ERI3: variants seen among roughly 807,000 people sequenced by gnomAD.
ERI3 encodes ERI1 exoribonuclease family member 3, also known as ERI1 exoribonuclease 3.
A neutral mutation model predicts 44.4 loss-of-function variants in ERI3; 18 were observed. The observed-to-expected ratio is 0.41, with a 90% confidence interval of 0.28 to 0.60. ERI3 has a LOEUF of 0.60. Ranked by LOEUF, ERI3 falls within the 20% of genes least tolerant of loss-of-function variation. The probability of loss-of-function intolerance (pLI) is 0.36; values close to 1 mark genes in which losing one functional copy is unlikely to be tolerated. For synonymous variants in ERI3, 183 were observed against 164.8 expected, an observed-to-expected ratio of 1.11 and a Z score of -0.84; for missense variants, 294 against 435.5, an observed-to-expected ratio of 0.68 and a Z score of 2.89.
intron 7 of ERI3, among the ~76,000 whole-genome samples, chr1:44,262,745 GC>G (rs1306556696): frequency 6.6e-6 from 1 of 152,228 alleles, no homozygotes; most frequent in African/African-American, 2.4e-5. Context: ...AAAGACCTAA[GC>G]GGACCTTCAG....
chr1:44,233,186 T>A (rs1473661910), intron 8 of ERI3, among the ~76,000 whole-genome samples: 1 of 152,138 alleles, frequency 6.6e-6, no homozygotes, highest in Non-Finnish European at 1.5e-5. Context: ...GTGTTCCTGA[T>A]CAGTGTGCAC....
At chr1:44,297,361 T>A (rs1645632072) in intron 6 of ERI3, among the ~76,000 whole-genome samples, 1 of 151,956 alleles carries the variant, frequency 6.6e-6, no homozygotes, top group Admixed American at 6.6e-5. Flanking sequence ...TCCCCAGCCT[T>A]CAACTCCTAA....
intron 8 of ERI3, among the ~76,000 whole-genome samples, chr1:44,225,306 C>G (rs1487607325): frequency 6.6e-6 from 1 of 152,144 alleles, no homozygotes; most frequent in Non-Finnish European, 1.5e-5. Flanking sequence ...TTTTGTCTTG[C>G]TCTGTTGCCC....
At chr1:44,350,954 G>C (rs533536062) in intron 2 of ERI3, among the ~76,000 whole-genome samples, 39 of 152,100 alleles carry the variant, frequency 2.6e-4, no homozygotes, top group South Asian at 8.3e-4. Flanking sequence ...CCACGTAATT[G>C]CCACAGCCTC....
At chr1:44,314,751 T>A (rs1344333312) in intron 4 of ERI3, among the ~76,000 whole-genome samples, 2 of 152,216 alleles carry the variant, frequency 1.3e-5, no homozygotes, top group Non-Finnish European at 2.9e-5. Context: ...TCAACAACTA[T>A]TCATAGAAAG....
intron 6 of ERI3, among the ~76,000 whole-genome samples, chr1:44,290,829 A>G (rs1479545469): frequency 1.3e-5 from 2 of 152,182 alleles, no homozygotes; most frequent in African/African-American, 4.8e-5. Flanking sequence ...TGTCAGCCAG[A>G]GGTGCCTATC....
intron 3 of ERI3, among the ~76,000 whole-genome samples, chr1:44,327,555 A>T (rs1449992040): frequency 1.3e-5 from 2 of 152,254 alleles, no homozygotes; most frequent in Non-Finnish European, 2.9e-5. Context: ...AAGGCAACTG[A>T]GGCATAAAGA....
intron 6 of ERI3, among the ~76,000 whole-genome samples, chr1:44,292,495 G>A (rs1312975694): frequency 6.6e-6 from 1 of 152,140 alleles, no homozygotes; most frequent in Non-Finnish European, 1.5e-5. Flanking sequence ...GAGCTTCCAG[G>A]CCCACTCAGA....
chr1:44,300,466 C>T (rs1645699361), intron 6 of ERI3, among the ~76,000 whole-genome samples: 1 of 152,146 alleles, frequency 6.6e-6, no homozygotes, highest in Non-Finnish European at 1.5e-5. Context: ...TCTCCCAGTC[C>T]CCATTGAGGC....
At chr1:44,344,432 C>T (rs1313776774) in intron 2 of ERI3, among the ~76,000 whole-genome samples, 2 of 152,004 alleles carry the variant, frequency 1.3e-5, no homozygotes, top group Non-Finnish European at 2.9e-5. Flanking sequence ...ATCTCTCAGC[C>T]CAAACAGTAT....
intron 7 of ERI3, among the ~76,000 whole-genome samples, chr1:44,282,342 G>A (rs1645307009): frequency 6.6e-6 from 1 of 152,112 alleles, no homozygotes; most frequent in African/African-American, 2.4e-5. Flanking sequence ...GGGGAGCAGA[G>A]GAGGAAGAGA....
rs534860776 is a variant in ERI3, at chr1:44,281,828, G to C, written c.831+3007C>G. On this transcript the variant is annotated intron_variant, in intron 7 of 8. Transcript: ENST00000372257. ...ATGCAATTTGGAGTATACTCACTTG[G>C]GCTGTATGCATTCACATGCATATAC... Among the ~76,000 whole-genome samples the C allele has an allele frequency of 4.7e-5, 7 of 150,330 alleles. No individual in the cohort carries two copies. The South Asian group carries it at 1.5e-3, about 32-fold the overall frequency.
At chr1:44,234,591 G>A (rs1250164007) in intron 8 of ERI3, among the ~76,000 whole-genome samples, 2 of 151,818 alleles carry the variant, frequency 1.3e-5, no homozygotes, top group Admixed American at 6.6e-5. Flanking sequence ...AACAGGAGGC[G>A]GAGGTTGCAG....
At chr1:44,325,884 A>G (rs891315523) in intron 3 of ERI3, among the ~76,000 whole-genome samples, 2 of 151,882 alleles carry the variant, frequency 1.3e-5, no homozygotes, top group South Asian at 2.1e-4. Flanking sequence ...CCTGGCCTCA[A>G]GAGATCTGTC....
chr1:44,248,069 G>A (rs1457892682), intron 7 of ERI3, 31 bp from the exon 8 acceptor site: 1 of 1,567,416 alleles, frequency 6.4e-7, no homozygotes, highest in Non-Finnish European at 8.7e-7. Flanking sequence ...GGTTAACGGA[G>A]GCCCTGACCC....
intron 8 of ERI3, among the ~76,000 whole-genome samples, chr1:44,245,539 C>A (rs962466993): frequency 6.6e-6 from 1 of 152,206 alleles, no homozygotes; most frequent in East Asian, 1.9e-4. Context: ...CATCTAAGGT[C>A]ACAGGGTTCT....
chr1:44,345,550 C>T (rs1325571941), intron 2 of ERI3, among the ~76,000 whole-genome samples: 1 of 152,208 alleles, frequency 6.6e-6, no homozygotes, highest in East Asian at 1.9e-4. Context: ...CCAACCCAAT[C>T]TGACCTGCAG....
chr1:44,312,024 C>G (rs564154008), intron 5 of ERI3, among the ~76,000 whole-genome samples: 1 of 152,298 alleles, frequency 6.6e-6, no homozygotes, highest in East Asian at 1.9e-4. Flanking sequence ...TAGGTTCCCA[C>G]ACTCCCAGGG....
intron 6 of ERI3, among the ~76,000 whole-genome samples, chr1:44,298,561 G>C (rs1645657460): frequency 6.6e-6 from 1 of 152,090 alleles, no homozygotes; most frequent in African/African-American, 2.4e-5. Context: ...ATAATAAAAA[G>C]CCTAAATTCT....
Sources: allele counts gnomAD v4.1 joint callset (sites outside exome capture counted in the v4.1 genomes callset), GRCh38; gene constraint gnomAD v4.1.1; transcripts MANE v1.5; gene names NCBI Gene and HGNC (gene_info 2026-07-23, HGNC 2026-07-21).